The following HORMAD1 variants were observed in gnomAD, a reference collection of about 807,000 sequenced individuals.
The protein encoded by HORMAD1 is HORMA domain containing 1, also known as HORMA domain-containing protein 1.
In HORMAD1, 33 loss-of-function variants were observed where a neutral mutation model predicts 58.2. The ratio of observed to expected loss-of-function variants is 0.57; its 90% CI spans 0.43 to 0.76. The LOEUF is 0.76. HORMAD1 is among the 30% of genes least tolerant of loss of function. HORMAD1 has a pLI of 0.00. For missense variants in HORMAD1, 363 were observed against 462.0 expected (o/e 0.79, Z 1.96); for synonymous variants, 137 against 144.6 (o/e 0.95, Z 0.38).
At chr1:150,712,264 A>G (rs1371306629) in intron 5 of HORMAD1, among the ~76,000 whole-genome samples, 1 of 152,212 alleles carries the variant, frequency 6.6e-6, no homozygotes, top group East Asian at 1.9e-4. Context: ...AGTTTTGGAG[A>G]CCATAGGAAA....
intron 10 of HORMAD1, among the ~76,000 whole-genome samples, chr1:150,705,417 T>C (rs761446745): frequency 1.7e-4 from 26 of 151,394 alleles, no homozygotes; most frequent in Admixed American, 6.6e-4. Context: ...CCCAGCTACT[T>C]GGGAAGCTGA....
At position 150,708,243 on chromosome 1, in the gene HORMAD1, T is replaced by C; in HGVS notation, c.547+13A>G. On this transcript the variant is annotated intron_variant, in intron 9 of 14. Transcript: ENST00000361824. Reference sequence around the variant, plus strand: ...TATGTACCAACTGAAACAGGATGTATTGCAAATAGTACCTTCATCATAGTA... The same window carrying C: ...TATGTACCAACTGAAACAGGATGTACTGCAAATAGTACCTTCATCATAGTA... 6.3e-7 allele frequency: 1 copy of C among 1,575,588 alleles called. No individual in the cohort carries two copies. Among genetic ancestry groups the C allele is most frequent in the Non-Finnish European group, 8.6e-7 (1 of 1,159,566 alleles).
At chr1:150,711,607 G>A (rs776524931) in intron 6 of HORMAD1, 36 bp from the exon 7 acceptor site, 31 of 1,495,954 alleles carry the variant, frequency 2.1e-5, no homozygotes, top group Non-Finnish European at 2.8e-5. Context: ...GTTATCTAAG[G>A]CTAAGTATTC....
chr1:150,708,376 A>T lies in HORMAD1; in HGVS notation c.427T>A (p.Ser143Thr), dbSNP rs587627691. 492 of 1,607,314 alleles carry T rather than the reference A, an allele frequency of 3.1e-4. 5 individuals carry two copies. In the South Asian group the frequency reaches 5.2e-3, roughly 17 times the overall value. ...KNQSNESSML[S>T]TDTKKASILL... is the part of the protein sequence containing the mutation. Reference sequence around the variant, plus strand: ...ATGCTTGCTTTCTTGGTGTCAGTAGACAACATGCTAGATTCGTTGCTTTGG... The same window carrying T: ...ATGCTTGCTTTCTTGGTGTCAGTAGTCAACATGCTAGATTCGTTGCTTTGG... Residue 143 changes from serine (S) to threonine (T), a missense_variant, in exon 9 of 15, where the codon TCT becomes ACT. Coordinates refer to ENST00000361824, the MANE Select transcript of HORMAD1 (RefSeq NM_032132.5).
intron 13 of HORMAD1, chr1:150,701,858 T>C (rs1000614525): frequency 6.6e-6 from 1 of 152,200 alleles, no homozygotes; most frequent in African/African-American, 2.4e-5. Context: ...TTTATAAGAC[T>C]GAGCATGGTG....
chr1:150,706,434 T>C (rs1336899), intron 10 of HORMAD1, 119 bp downstream of exon 10: 345,363 of 906,278 alleles, frequency 0.38, 67,416 homozygotes, highest in South Asian at 0.52. Context: ...CCTTTCAACC[T>C]TGAGTTTATG....
rs370741348 is a variant in HORMAD1 at position 150,711,815 on chromosome 1, C to T, written c.300+18G>A. Reference sequence around the variant, plus strand: ...TTGGCAGTATTAAAAAAAGAACACACAATTTAAAAATACTTACAGCTAGAA... The same window carrying T: ...TTGGCAGTATTAAAAAAAGAACACATAATTTAAAAATACTTACAGCTAGAA... On this transcript the variant is annotated intron_variant, in intron 6 of 14. Coordinates refer to ENST00000361824, the MANE Select transcript of HORMAD1 (RefSeq NM_032132.5). 1.9e-6 allele frequency: 3 copies of T among 1,560,824 alleles called. No individual in the cohort carries two copies. In the African/African-American group the frequency reaches 4.1e-5, roughly 21 times the overall value.
chr1:150,700,919 T>C (rs1332708623), intron 13 of HORMAD1, among the ~76,000 whole-genome samples: 2 of 152,182 alleles, frequency 1.3e-5, no homozygotes, highest in African/African-American at 2.4e-5. Context: ...GTATATATAG[T>C]TATTAAAATG....
intron 13 of HORMAD1, chr1:150,702,019 T>A (rs1651552038): frequency 6.6e-6 from 1 of 152,178 alleles, no homozygotes; most frequent in African/African-American, 2.4e-5. Context: ...TTCTGCAATC[T>A]ATCCATCTGA....
Position 150,714,620 on chromosome 1 carries a change from C to T in HORMAD1, c.237G>A (p.Val79=), listed in dbSNP as rs202239495. Reference sequence around the variant, plus strand: ...TTAGGTATTCTTTTACTTGCCATTTCACTAACTGTGTAGATCCTGGGCAAT... The same window carrying T: ...TTAGGTATTCTTTTACTTGCCATTTTACTAACTGTGTAGATCCTGGGCAAT... ...DKNCPGSTQL[V]KWMLGCYDAL... is the part of the protein sequence containing the mutation. Residue 79 remains valine, a synonymous_variant, in exon 4 of 15, where the codon GTG becomes GTA. Coordinates refer to ENST00000361824, the MANE Select transcript of HORMAD1 (RefSeq NM_032132.5). 1.4e-6 allele frequency: 2 copies of T among 1,461,930 alleles called. No individual in the cohort carries two copies. The highest frequency in any genetic ancestry group is 2.4e-5 in the East Asian group (1 of 41,062). 90.6% of individuals were successfully genotyped at this position (1,461,930 alleles called of 1,614,324 possible). A position where few individuals can be genotyped will look rare whatever the true frequency, so the allele number is the denominator to read the frequency against.
intron 5 of HORMAD1, among the ~76,000 whole-genome samples, chr1:150,713,368 G>A (rs990769242): frequency 5.3e-5 from 8 of 151,948 alleles, no homozygotes; most frequent in African/African-American, 9.7e-5. Flanking sequence ...CATAACGGGC[G>A]CTCAATATTT....
At chr1:150,711,986 A>G (rs1651918014) in intron 5 of HORMAD1, 133 bp from the exon 6 acceptor site, 3 of 670,316 alleles carry the variant, frequency 4.5e-6, no homozygotes, top group Admixed American at 2.5e-5. Context: ...TCTTGACTGC[A>G]TAAGATCAAT....
chr1:150,706,565 C>T lies in HORMAD1; in HGVS notation c.792G>A (p.Glu264=), dbSNP rs1557796759. 6.2e-7 allele frequency: 1 copy of T among 1,605,060 alleles called. No individual in the cohort carries two copies. Among genetic ancestry groups the T allele is most frequent in the East Asian group, 2.2e-5 (1 of 44,790 alleles). ...GAAATACACTTACACTTGTATAATG[C>T]TCCTGTTCATCTTCTACATCTTTGT... is the stretch of plus-strand genomic sequence containing the variant. The part of the protein sequence containing the change: ...LRDKDVEDEQ[E]HYTSDDLDIE... The change falls in exon 10 of 15, where the codon GAG becomes GAA. Residue 264 remains glutamate (E), a synonymous_variant. Coordinates refer to ENST00000361824, the MANE Select transcript of HORMAD1 (RefSeq NM_032132.5).
At chr1:150,710,774 C>G (rs587692106) in intron 7 of HORMAD1, among the ~76,000 whole-genome samples, 1 of 152,222 alleles carries the variant, frequency 6.6e-6, no homozygotes, top group African/African-American at 2.4e-5. Flanking sequence ...TGTTTTTAAA[C>G]GTCTATTTTT....
At chr1:150,711,600 A>G in intron 6 of HORMAD1, 29 bp from the exon 7 acceptor site, 1 of 1,538,856 alleles carries the variant, frequency 6.5e-7, no homozygotes, top group African/African-American at 1.4e-5. Flanking sequence ...CAATTGAGTT[A>G]TCTAAGGCTA....
At chr1:150,699,475 T>C (rs1485321266) in intron 14 of HORMAD1, among the ~76,000 whole-genome samples, 2 of 152,016 alleles carry the variant, frequency 1.3e-5, no homozygotes, top group Non-Finnish European at 2.9e-5. Context: ...GCCTTAGTAT[T>C]CTTGTACTGT....
intron 13 of HORMAD1, among the ~76,000 whole-genome samples, chr1:150,702,409 ATC>A (rs1400858086): frequency 6.6e-6 from 1 of 152,324 alleles, no homozygotes; most frequent in South Asian, 2.1e-4. Flanking sequence ...TGTCCCAGTA[ATC>A]CCATTACTAG....
rs201413733 is a variant in HORMAD1, at chr1:150,704,749, C to CA, written c.805-407dup. Among the ~76,000 whole-genome samples the CA allele has an allele frequency of 3.2e-3, 492 of 151,966 alleles. 3 individuals carry two copies. The highest frequency in any genetic ancestry group is 0.011 in the African/African-American group (459 of 41,480). ...AGACCCTGACTCAAACACAAACAAA[C>CA]AAAAAAACCCAAGCCAGGCGCAATG... is the stretch of plus-strand genomic sequence containing the variant. On this transcript the variant is annotated intron_variant, in intron 10 of 14. Coordinates refer to ENST00000361824, the MANE Select transcript of HORMAD1 (RefSeq NM_032132.5).
intron 1 of HORMAD1, 149 bp from the exon 2 acceptor site, chr1:150,719,687 A>G: frequency 2.1e-6 from 1 of 475,984 alleles, no homozygotes; most frequent in Non-Finnish European, 3.8e-6. Flanking sequence ...AGAGGTCGAT[A>G]TTGCAGTAGA....
Sources: gnomAD v4.1 joint callset for allele counts (sites outside exome capture counted in the v4.1 genomes callset) on GRCh38, gnomAD v4.1.1 for gene constraint, MANE v1.5 for transcripts, NCBI Gene and HGNC (gene_info 2026-07-23, HGNC 2026-07-21) for gene names.